The following POU2F2 variants were observed in gnomAD, a reference collection of about 807,000 sequenced individuals.
The protein encoded by POU2F2 is POU domain, class 2, transcription factor 2.
A neutral mutation model predicts 63.5 loss-of-function variants in POU2F2; 14 were observed. The ratio of observed to expected loss-of-function variants is 0.22; its 90% CI spans 0.15 to 0.34. The LOEUF (loss-of-function observed/expected upper bound fraction) is 0.34, where lower values mean the gene tolerates loss of function less well. Ranked by LOEUF, POU2F2 falls within the 10% of genes least tolerant of loss-of-function variation. POU2F2 has a pLI of 1.00. For synonymous variants in POU2F2, 306 were observed against 348.6 expected (o/e 0.88, Z 1.36); for missense variants, 607 against 815.2 (o/e 0.74, Z 3.11).
At chr19:42,124,903 G>T (rs148160977) in intron 1 of POU2F2, among the ~76,000 whole-genome samples, 2 of 152,304 alleles carry the variant, frequency 1.3e-5, no homozygotes, top group South Asian at 2.1e-4. Context: ...GAGCACCTTG[G>T]GGGTACTGAC....
intron 2 of POU2F2, among the ~76,000 whole-genome samples, chr19:42,150,629 C>T (rs1018597102): frequency 2.0e-5 from 3 of 151,744 alleles, no homozygotes; most frequent in Non-Finnish European, 3.0e-5. Flanking sequence ...GGGCCCGAGC[C>T]GCCCTCCCCC....
chr19:42,177,922 C>G (rs1371446347), upstream of POU2F2, among the ~76,000 whole-genome samples: 1 of 151,400 alleles, frequency 6.6e-6, no homozygotes, highest in Non-Finnish European at 1.5e-5. Context: ...GACACAGAGA[C>G]ACACAGAAAC....
upstream of POU2F2, among the ~76,000 whole-genome samples, chr19:42,134,840 C>T (rs758375369): frequency 3.9e-5 from 6 of 152,112 alleles, no homozygotes; most frequent in Non-Finnish European, 7.4e-5. Flanking sequence ...CGGATCGATA[C>T]GTTTGACTCC....
chr19:42,099,972 C>G (rs1028936153), intron 5 of POU2F2, 151 bp from the exon 6 acceptor site: 1 of 653,574 alleles, frequency 1.5e-6, no homozygotes, highest in Admixed American at 2.4e-5. Flanking sequence ...CACTCGGTCT[C>G]TGAATGGCAT....
chr19:42,173,002 C>A (rs1207466582), intron 1 of POU2F2, among the ~76,000 whole-genome samples: 1 of 152,142 alleles, frequency 6.6e-6, no homozygotes, highest in Non-Finnish European at 1.5e-5. Flanking sequence ...ACAGGCTGAG[C>A]AAATGATGTG....
At chr19:42,129,456 C>T (rs2033502000) in intron 1 of POU2F2, among the ~76,000 whole-genome samples, 1 of 152,154 alleles carries the variant, frequency 6.6e-6, no homozygotes. Context: ...CCCACTCCTC[C>T]CTCCCCGGAC....
intron 2 of POU2F2, among the ~76,000 whole-genome samples, chr19:42,144,582 G>T (rs1427790709): frequency 6.6e-6 from 1 of 152,214 alleles, no homozygotes; most frequent in African/African-American, 2.4e-5. Context: ...TGCTCCTGAG[G>T]AGCTCTCAAG....
chr19:42,197,344 C>T (rs527714853), upstream of POU2F2, among the ~76,000 whole-genome samples: 1 of 152,330 alleles, frequency 6.6e-6, no homozygotes, highest in African/African-American at 2.4e-5. Flanking sequence ...TCCAGTGGAA[C>T]TCAGCTTCCT....
Position 42,092,340 on chromosome 19 carries a change from G to T in POU2F2, c.1265-70C>A. ...TCCCCCACTGAGGAACCTGGGGTCA[G>T]CTCCTACTTGTCCTCCCGCCCAGCT... On this transcript the variant is annotated intron_variant, in intron 12 of 14. Transcript: ENST00000692977. This position sits in a 1 kb window ranked among gnomAD's most constrained non-coding sequence, Gnocchi z 5.0. 8.3e-7 allele frequency: 1 copy of T among 1,211,578 alleles called. No homozygotes were observed. Among genetic ancestry groups the T allele is most frequent in the Non-Finnish European group, 1.2e-6 (1 of 838,716 alleles). 75.1% of individuals were successfully genotyped at this position (1,211,578 alleles called of 1,614,324 possible).
chr19:42,096,508 G>T lies in POU2F2; in HGVS notation c.568-265C>A, dbSNP rs1459071467. Among the ~76,000 whole-genome samples, 1 of 152,156 alleles carries T rather than the reference G, an allele frequency of 6.6e-6. No individual in the cohort carries two copies. Among genetic ancestry groups the T allele is most frequent in the Non-Finnish European group, 1.5e-5 (1 of 68,034 alleles). On this transcript the variant is annotated intron_variant, in intron 7 of 14. Coordinates refer to ENST00000692977, the MANE Select transcript of POU2F2 (RefSeq NM_001394376.1). This position sits in a 1 kb window ranked among gnomAD's most constrained non-coding sequence, Gnocchi z 4.1. ...CTCTGCACTGTCCCTTCACGCCTGC[G>T]AACTCCCAGAAGGAGCAGCCAGCTT... is the stretch of plus-strand genomic sequence containing the variant.
At chr19:42,106,418 T>C (rs2030013214) in intron 5 of POU2F2, among the ~76,000 whole-genome samples, 1 of 152,114 alleles carries the variant, frequency 6.6e-6, no homozygotes, top group Non-Finnish European at 1.5e-5. Context: ...GCCAGATATA[T>C]AGAATTTCAA....
At position 42,090,354 on chromosome 19, in the gene POU2F2, G is replaced by A. The variant is rs1171320578; in HGVS notation, c.*903C>T. On this transcript the variant is annotated 3_prime_UTR_variant, in exon 15 of 15. Transcript: ENST00000692977. The surrounding 1 kb of genome is among the most constrained non-coding windows in gnomAD (Gnocchi z 4.4). ...CAGAGCAGAGGAGGGTGACAGGGTT[G>A]AGGAGGGACTTGTGAGAGCTAGAAC... is the stretch of plus-strand genomic sequence containing the variant. The A allele has an allele frequency of 6.6e-6, 1 of 152,618 alleles. No individual in the cohort carries two copies. Among genetic ancestry groups the A allele is most frequent in the Non-Finnish European group, 1.5e-5 (1 of 68,038 alleles). The allele number at this position is 152,618 out of a possible 1,614,324, so 9.5% of individuals were successfully genotyped here.
At chr19:42,150,244 C>T (rs1241035485) in intron 2 of POU2F2, among the ~76,000 whole-genome samples, 1 of 151,998 alleles carries the variant, frequency 6.6e-6, no homozygotes, top group African/African-American at 2.4e-5. Context: ...CCTTTCTGCT[C>T]CTCTGCAGGT....
chr19:42,119,912 C>T (rs2032389918), intron 4 of POU2F2, among the ~76,000 whole-genome samples: 1 of 152,038 alleles, frequency 6.6e-6, no homozygotes, highest in Non-Finnish European at 1.5e-5. Context: ...TAGCTAATCT[C>T]CACTTTTATT....
chr19:42,195,091 G>GAGGGAGGGAGGGAGGA (rs2035124158), intron 1 of POU2F2, among the ~76,000 whole-genome samples: 1 of 5,344 alleles, frequency 1.9e-4, no homozygotes, highest in Non-Finnish European at 3.9e-4. Flanking sequence ...GGGAGGAAGG[G>GAGGGAGGGAGGGAGGA]AGGAAGGAAG....
At chr19:42,128,014 C>T (rs981103219) in intron 1 of POU2F2, among the ~76,000 whole-genome samples, 1 of 152,066 alleles carries the variant, frequency 6.6e-6, no homozygotes, top group Non-Finnish European at 1.5e-5. Context: ...TAAGGTCCAG[C>T]TCAAATGTCA....
At chr19:42,147,540 C>T (rs1336609482) in intron 2 of POU2F2, among the ~76,000 whole-genome samples, 1 of 152,212 alleles carries the variant, frequency 6.6e-6, no homozygotes. Context: ...GGTTCTGCTG[C>T]CTGCTACATC....
rs2146330335 is a variant in POU2F2, at chr19:42,096,369, C to T, written c.568-126G>A. On this transcript the variant is annotated intron_variant, in intron 7 of 14. Coordinates refer to ENST00000692977, the MANE Select transcript of POU2F2 (RefSeq NM_001394376.1). The surrounding 1 kb of genome is among the most constrained non-coding windows in gnomAD (Gnocchi z 4.1). ...CCATCCGCCGCCTGCAGACTCCCCC[C>T]GCCTTCCTCCACAAGCACCGTCAAT... 2.0e-6 allele frequency: 2 copies of T among 983,888 alleles called. No individual in the cohort carries two copies. The highest frequency in any genetic ancestry group is 2.9e-6 in the Non-Finnish European group (2 of 686,040). 60.9% of individuals were successfully genotyped at this position (983,888 alleles called of 1,614,324 possible).
intron 5 of POU2F2, among the ~76,000 whole-genome samples, chr19:42,101,976 CAAAA>C (rs1297939775): frequency 3.5e-5 from 3 of 85,272 alleles, no homozygotes; most frequent in Non-Finnish European, 2.4e-5. Flanking sequence ...GACTCCATCT[CAAAA>C]AAAAAAAAAA....
Sources: gnomAD v4.1 joint callset for allele counts (sites outside exome capture counted in the v4.1 genomes callset) on GRCh38, gnomAD v4.1.1 for gene constraint, Gnocchi (gnomAD v3.1) non-coding constraint, MANE v1.5 for transcripts, NCBI Gene and HGNC (gene_info 2026-07-23, HGNC 2026-07-21) for gene names.